METTL2B: variants seen among roughly 807,000 people sequenced by gnomAD.
METTL2B encodes the protein tRNA N(3)-cytidine methyltransferase METTL2B.
METTL2B carries 28 observed loss-of-function variants against 51.0 expected under a neutral mutation model. The observed-to-expected ratio is 0.55, with a 90% confidence interval of 0.41 to 0.75. METTL2B has a LOEUF of 0.75. Ranked by LOEUF, METTL2B falls within the 30% of genes least tolerant of loss-of-function variation. The probability of loss-of-function intolerance (pLI) is 0.00; values close to 1 mark genes in which losing one functional copy is unlikely to be tolerated. For synonymous variants in METTL2B, 128 were observed against 166.3 expected, an observed-to-expected ratio of 0.77 and a Z score of 1.77; for missense variants, 313 against 460.7, an observed-to-expected ratio of 0.68 and a Z score of 2.93.
chr7:128,484,227 T>TCTG (rs796850466), intron 4 of METTL2B: 1 of 86,704 alleles, frequency 1.2e-5, no homozygotes. Context: ...CTTTTTTTTT[T>TCTG]TTTTTTTTTT....
intron 6 of METTL2B, 71 bp from the exon 7 acceptor site, chr7:128,497,965 A>T: frequency 6.6e-7 from 1 of 1,516,300 alleles, no homozygotes; most frequent in Non-Finnish European, 9.0e-7. Flanking sequence ...GCTTTTTGGG[A>T]TATGCTACAG....
chr7:128,488,703 G>C (rs991457539), intron 5 of METTL2B: 1 of 314,428 alleles, frequency 3.2e-6, no homozygotes, highest in African/African-American at 2.2e-5. Context: ...TCCTCTGTGT[G>C]CTCAAGTGAA....
At chr7:128,493,361 C>T (rs1179550978) in intron 5 of METTL2B, among the ~76,000 whole-genome samples, 7 of 151,932 alleles carry the variant, frequency 4.6e-5, no homozygotes, top group African/African-American at 1.7e-4. Context: ...TATAGGCATG[C>T]GCCACCACAC....
chr7:128,501,546 G>A, intron 8 of METTL2B: 1 of 985,036 alleles, frequency 1.0e-6, no homozygotes, highest in Non-Finnish European at 1.2e-6. Flanking sequence ...TAAACCAAAG[G>A]TTTTTAAAAA....
Position 128,503,425 on chromosome 7 carries a change from G to A in METTL2B, c.*1509G>A, listed in dbSNP as rs1382370242. 4 of 143,222 alleles carry A rather than the reference G, an allele frequency of 2.8e-5. No individual in the cohort carries two copies. The highest frequency in any genetic ancestry group is 1.0e-4 in the African/African-American group (4 of 39,236). 8.9% of individuals were successfully genotyped at this position (143,222 alleles called of 1,614,324 possible). On this transcript the variant is annotated 3_prime_UTR_variant, in exon 9 of 9. Coordinates refer to ENST00000262432, the MANE Select transcript of METTL2B (RefSeq NM_018396.3). Reference sequence around the variant, plus strand: ...ACTTCTGAATGTGATCACTGTCAGTGTTAGATGCTTTTTTTTTTTTTTTTT... The same window carrying A: ...ACTTCTGAATGTGATCACTGTCAGTATTAGATGCTTTTTTTTTTTTTTTTT...
chr7:128,478,693 G>T (rs62481134), intron 2 of METTL2B, among the ~76,000 whole-genome samples: 2 of 145,968 alleles, frequency 1.4e-5, no homozygotes, highest in African/African-American at 5.0e-5. Flanking sequence ...GTGAAACCCC[G>T]TCTGTACTAA....
chr7:128,503,740 A>G lies in METTL2B; in HGVS notation c.*1824A>G, dbSNP rs377756643. 82 of 152,364 alleles carry G rather than the reference A, an allele frequency of 5.4e-4. No homozygotes were observed. The highest frequency in any genetic ancestry group is 1.0e-3 in the Non-Finnish European group (68 of 68,060). 9.4% of individuals were successfully genotyped at this position (152,364 alleles called of 1,614,324 possible). A position where few individuals can be genotyped will look rare whatever the true frequency, so the allele number is the denominator to read the frequency against. ...CGACCAGGCATGGCGGCTCACGCCT[A>G]TAATCCCAGCACTTTGGGAGGCTGA... On this transcript the variant is annotated 3_prime_UTR_variant, in exon 9 of 9. Coordinates refer to ENST00000262432, the MANE Select transcript of METTL2B (RefSeq NM_018396.3).
At chr7:128,477,736 A>G (rs1428928783) in intron 2 of METTL2B, among the ~76,000 whole-genome samples, 1 of 151,742 alleles carries the variant, frequency 6.6e-6, no homozygotes, top group East Asian at 1.9e-4. Flanking sequence ...ATTTCACTGC[A>G]AAATATCCCT....
chr7:128,492,630 TTTTTGA>T (rs1792855095), intron 5 of METTL2B, among the ~76,000 whole-genome samples: 1 of 151,658 alleles, frequency 6.6e-6, no homozygotes, highest in Non-Finnish European at 1.5e-5. Context: ...TTTGTTTTTG[TTTTTGA>T]GACGGAGTCT....
intron 5 of METTL2B, among the ~76,000 whole-genome samples, chr7:128,493,445 C>T (rs982251341): frequency 4.6e-5 from 7 of 152,182 alleles, no homozygotes; most frequent in Non-Finnish European, 8.8e-5. Context: ...CTCCTGATCT[C>T]AGGTGGTCCT....
At chr7:128,498,725 G>A (rs1055581913) in intron 7 of METTL2B, among the ~76,000 whole-genome samples, 2 of 152,144 alleles carry the variant, frequency 1.3e-5, no homozygotes, top group African/African-American at 2.4e-5. Flanking sequence ...ACAGCCGGGC[G>A]CAGTGGCTCA....
At chr7:128,477,004 A>T (rs1483993031) in intron 1 of METTL2B, 78 bp from the exon 2 acceptor site, 9 of 1,439,034 alleles carry the variant, frequency 6.3e-6, no homozygotes, top group Non-Finnish European at 8.4e-6. Context: ...CCAAGGGGAG[A>T]GAAACTCCTA....
intron 6 of METTL2B, among the ~76,000 whole-genome samples, chr7:128,497,280 G>T (rs1792941482): frequency 6.6e-6 from 1 of 152,114 alleles, no homozygotes; most frequent in Admixed American, 6.6e-5. Context: ...GTAAGTTCTT[G>T]AGGACAAGTC....
rs2116836394 is a variant in METTL2B, at chr7:128,476,890, C to T, written c.110+15C>T. 2 of 1,613,648 alleles carry T rather than the reference C, an allele frequency of 1.2e-6. No homozygotes were observed. Among genetic ancestry groups the T allele is most frequent in the East Asian group, 4.5e-5 (2 of 44,860 alleles). On this transcript the variant is annotated intron_variant, in intron 1 of 8. Transcript: ENST00000262432. Reference sequence around the variant, plus strand: ...CACAATGCCTGGTAATCACCCTGCCCCCTCGCCCGGCCTGTCGCTGGCCGT... The same window carrying T: ...CACAATGCCTGGTAATCACCCTGCCTCCTCGCCCGGCCTGTCGCTGGCCGT...
chr7:128,491,577 A>G (rs1362893890), intron 5 of METTL2B, among the ~76,000 whole-genome samples: 3 of 150,742 alleles, frequency 2.0e-5, no homozygotes, highest in Non-Finnish European at 4.4e-5. Context: ...CTGGGCTACA[A>G]GAGCGAAACT....
At chr7:128,490,999 A>C (rs558303515) in intron 5 of METTL2B, among the ~76,000 whole-genome samples, 3 of 151,376 alleles carry the variant, frequency 2.0e-5, no homozygotes, top group Non-Finnish European at 4.4e-5. Flanking sequence ...CGTCTCTACT[A>C]AAAATATGAA....
Position 128,495,164 on chromosome 7 carries a change from G to A in METTL2B, c.809+1221G>A, listed in dbSNP as rs1246388220. On this transcript the variant is annotated intron_variant, in intron 6 of 8. Transcript: ENST00000262432. The stretch of plus-strand genomic sequence containing the variant: ...TCTCGAACTCCTGACCTCATGATCC[G>A]CCTGCCACGGCCTCCCAAAGTGCTG... 6.0e-5 allele frequency among the ~76,000 whole-genome samples: 9 copies of A among 151,142 alleles called. No individual in the cohort carries two copies. The South Asian group carries it at 1.0e-3, about 18-fold the overall frequency.
intron 4 of METTL2B, among the ~76,000 whole-genome samples, chr7:128,484,691 CA>C (rs1792668399): frequency 6.6e-6 from 1 of 152,032 alleles, no homozygotes; most frequent in South Asian, 2.1e-4. Context: ...CTCCCAGTTT[CA>C]AGCGATTCTC....
At chr7:128,496,564 C>T (rs1442103905) in intron 6 of METTL2B, among the ~76,000 whole-genome samples, 1 of 152,068 alleles carries the variant, frequency 6.6e-6, no homozygotes, top group Non-Finnish European at 1.5e-5. Context: ...AAACCTATGA[C>T]TTTAGAAGTT....
Sources: allele counts gnomAD v4.1 joint callset (sites outside exome capture counted in the v4.1 genomes callset), GRCh38; gene constraint gnomAD v4.1.1; transcripts MANE v1.5; gene names NCBI Gene and HGNC (gene_info 2026-07-23, HGNC 2026-07-21).